DIS3L2: variants seen among roughly 807,000 people sequenced by gnomAD.
DIS3L2 encodes the protein DIS3 like 3'-5' exoribonuclease 2, also known as DIS3-like exonuclease 2.
DIS3L2 carries 34 observed loss-of-function variants against 97.5 expected under a neutral mutation model. That is an observed-to-expected ratio of 0.35 (90% CI 0.27 to 0.46). DIS3L2 has a LOEUF of 0.46. DIS3L2 is among the 20% of genes least tolerant of loss of function. DIS3L2 has a pLI of 1.00. For missense variants in DIS3L2, 1,038 were observed against 1,146.0 expected (o/e 0.91, Z 1.36); for synonymous variants, 435 against 445.2 (o/e 0.98, Z 0.29).
intron 13 of DIS3L2, among the ~76,000 whole-genome samples, 199 bp from the exon 14 acceptor site, chr2:232,299,839 TAG>T (rs1694811646): frequency 6.6e-6 from 1 of 152,210 alleles, no homozygotes; most frequent in African/African-American, 2.4e-5. Flanking sequence ...AATGAACAAG[TAG>T]AGTCTTGCTG....
intron 1 of DIS3L2, among the ~76,000 whole-genome samples, chr2:231,964,667 A>G (rs961341719): frequency 6.6e-6 from 1 of 152,248 alleles, no homozygotes; most frequent in Non-Finnish European, 1.5e-5. Context: ...GGGAGTTTCT[A>G]TATCAAAATT....
intron 5 of DIS3L2, among the ~76,000 whole-genome samples, chr2:232,031,717 G>A (rs1441215975): frequency 6.6e-6 from 1 of 151,784 alleles, no homozygotes; most frequent in African/African-American, 2.4e-5. Context: ...TGTTCTCATT[G>A]TTCACCTCCC....
At chr2:231,973,541 T>A (rs944971294) in intron 1 of DIS3L2, among the ~76,000 whole-genome samples, 3 of 152,154 alleles carry the variant, frequency 2.0e-5, no homozygotes, top group Admixed American at 6.5e-5. Flanking sequence ...TAAAGCTTTA[T>A]TTATTTACAT....
intron 5 of DIS3L2, among the ~76,000 whole-genome samples, chr2:232,086,285 A>ATATATGTATACATATATACATATG (rs1238819581): frequency 1.1e-4 from 16 of 150,100 alleles, no homozygotes; most frequent in South Asian, 2.1e-4. Flanking sequence ...ACATATACGT[A>ATATATGTATACATATATACATATG]TATATGTATA....
chr2:232,007,983 CTTGT>C (rs1441624261), intron 1 of DIS3L2, among the ~76,000 whole-genome samples: 1 of 151,850 alleles, frequency 6.6e-6, no homozygotes, highest in Non-Finnish European at 1.5e-5. Context: ...TATTTATTTA[CTTGT>C]TATATGTCTA....
intron 11 of DIS3L2, among the ~76,000 whole-genome samples, chr2:232,243,386 G>A (rs559871011): frequency 1.0e-3 from 154 of 152,228 alleles, no homozygotes; most frequent in Non-Finnish European, 1.6e-3. Context: ...AGGGCAAGTA[G>A]GGAAGTGATA....
At chr2:232,322,674 T>C (rs1269376352) in intron 14 of DIS3L2, among the ~76,000 whole-genome samples, 1 of 152,234 alleles carries the variant, frequency 6.6e-6, no homozygotes, top group Non-Finnish European at 1.5e-5. Flanking sequence ...GCAGCAAAGC[T>C]GCTCAAGGTC....
intron 5 of DIS3L2, among the ~76,000 whole-genome samples, chr2:232,036,779 C>G (rs575623266): frequency 4.9e-4 from 75 of 152,330 alleles, no homozygotes; most frequent in African/African-American, 1.5e-3. Context: ...AGTCAGGCCC[C>G]TCTTCTGCAG....
At chr2:232,110,282 T>C (rs1697487239) in intron 6 of DIS3L2, among the ~76,000 whole-genome samples, 1 of 152,206 alleles carries the variant, frequency 6.6e-6, no homozygotes, top group South Asian at 2.1e-4. Context: ...GAAGACAGTA[T>C]GGCGATTCCT....
intron 4 of DIS3L2, among the ~76,000 whole-genome samples, chr2:232,025,403 A>G (rs1694629371): frequency 6.6e-6 from 1 of 152,160 alleles, no homozygotes. Context: ...CAATAACCTT[A>G]TGACCTATTC....
chr2:232,329,785 T>TCCCCGGGGG, intron 14 of DIS3L2, 28 bp from the exon 15 acceptor site: 68 of 967,080 alleles, frequency 7.0e-5, no homozygotes, highest in Non-Finnish European at 8.0e-5. Flanking sequence ...ACCCCAGCGG[T>TCCCCGGGGG]CCCTCCCATC....
At chr2:232,088,390 C>CAAAAAAAAAAA (rs778505065) in intron 6 of DIS3L2, among the ~76,000 whole-genome samples, 33 of 55,558 alleles carry the variant, frequency 5.9e-4, no homozygotes, top group East Asian at 5.9e-3. Flanking sequence ...ACTAAAAATA[C>CAAAAAAAAAAA]AAAAAAAAAA....
chr2:232,309,571 G>C (rs551774387), intron 14 of DIS3L2, among the ~76,000 whole-genome samples: 15 of 152,180 alleles, frequency 9.9e-5, no homozygotes, highest in African/African-American at 3.4e-4. Context: ...TCAATCTCCT[G>C]GGCTTAGGTA....
At chr2:232,105,037 C>CA (rs1697320615) in intron 6 of DIS3L2, among the ~76,000 whole-genome samples, 1 of 152,146 alleles carries the variant, frequency 6.6e-6, no homozygotes, top group Non-Finnish European at 1.5e-5. Flanking sequence ...AGGTTGGTCT[C>CA]AAACTCTTGA....
At position 232,130,874 on chromosome 2, in the gene DIS3L2, T is replaced by C. The variant is rs552880838; in HGVS notation, c.702+155T>C. The C allele has an allele frequency of 9.8e-6, 11 of 1,124,322 alleles. No homozygotes were observed. The African/African-American group carries it at 1.8e-4, about 18-fold the overall frequency. 69.6% of individuals were successfully genotyped at this position (1,124,322 alleles called of 1,614,324 possible). ...AAAAGTGAATTAAAAAAAAAAAACTTTAAACATATAAATACGAATCCATCT... is the reference window on the plus strand; with the variant it reads ...AAAAGTGAATTAAAAAAAAAAAACTCTAAACATATAAATACGAATCCATCT... On this transcript the variant is annotated intron_variant, in intron 7 of 20. Coordinates refer to ENST00000325385, the MANE Select transcript of DIS3L2 (RefSeq NM_152383.5).
intron 5 of DIS3L2, among the ~76,000 whole-genome samples, chr2:232,063,741 A>G (rs1695777422): frequency 6.6e-6 from 1 of 151,870 alleles, no homozygotes; most frequent in Non-Finnish European, 1.5e-5. Flanking sequence ...ATAGTTAGGG[A>G]TGTGCTTTGT....
chr2:231,996,996 T>A (rs1219624040), intron 1 of DIS3L2, among the ~76,000 whole-genome samples: 1 of 152,222 alleles, frequency 6.6e-6, no homozygotes. Flanking sequence ...ACTGCCTCCC[T>A]GCTCTGTGTC....
chr2:232,132,641 C>A (rs978255075), intron 7 of DIS3L2, among the ~76,000 whole-genome samples: 26 of 152,178 alleles, frequency 1.7e-4, no homozygotes, highest in Non-Finnish European at 3.2e-4. Flanking sequence ...TAGACTAATT[C>A]TCACCCATAT....
chr2:232,192,889 C>G (rs561953627), intron 9 of DIS3L2, among the ~76,000 whole-genome samples: 2 of 152,282 alleles, frequency 1.3e-5, no homozygotes, highest in East Asian at 3.9e-4. Context: ...GGGCAGGGAA[C>G]CAGGGACTGC....
Sources: gnomAD v4.1 joint callset for allele counts (sites outside exome capture counted in the v4.1 genomes callset) on GRCh38, gnomAD v4.1.1 for gene constraint, MANE v1.5 for transcripts, NCBI Gene and HGNC (gene_info 2026-07-23, HGNC 2026-07-21) for gene names.